TSC22D1: variants seen among roughly 807,000 people sequenced by gnomAD.
TSC22D1 encodes TSC22 domain family protein 1.
Under a neutral mutation model 74.2 loss-of-function variants are expected in TSC22D1, and 9 were observed. That is an observed-to-expected ratio of 0.12 (90% confidence interval 0.07 to 0.21). The LOEUF (loss-of-function observed/expected upper bound fraction) is 0.21. Among genes scored for constraint, TSC22D1 ranks in the 10% least tolerant of loss-of-function variants. The pLI is 1.00. For missense variants in TSC22D1, 1,427 were observed against 1,304.7 expected (o/e 1.09, Z -1.44); for synonymous variants, 586 against 492.5 (o/e 1.19, Z -2.51).
chr13:44,435,691 A>T, intron 2 of TSC22D1: 5 of 310,302 alleles, frequency 1.6e-5, no homozygotes, highest in Non-Finnish European at 3.1e-5. Context: ...GTAAAATATT[A>T]GGATTCCTAG....
chr13:44,437,640 A>C (rs1434363511), intron 1 of TSC22D1, among the ~76,000 whole-genome samples: 1 of 152,140 alleles, frequency 6.6e-6, no homozygotes, highest in Admixed American at 6.5e-5. Context: ...ATTTAGACCC[A>C]AAAAAGTCAA....
chr13:44,516,379 T>C (rs778681665), intron 1 of TSC22D1: 1 of 434,894 alleles, frequency 2.3e-6, no homozygotes, highest in Non-Finnish European at 4.5e-6. Flanking sequence ...AATAGTCTTT[T>C]TAAAATCTCT....
At chr13:44,446,715 G>A (rs1875669446) in intron 1 of TSC22D1, among the ~76,000 whole-genome samples, 1 of 148,744 alleles carries the variant, frequency 6.7e-6, no homozygotes, top group Non-Finnish European at 1.5e-5. Flanking sequence ...AAAGATGACT[G>A]CCCCTAAATA....
intron 1 of TSC22D1, among the ~76,000 whole-genome samples, chr13:44,496,288 C>T (rs1008410663): frequency 6.6e-5 from 10 of 152,136 alleles, no homozygotes; most frequent in African/African-American, 2.2e-4. Context: ...TGGCTCACGC[C>T]CATAATCCCA....
intron 1 of TSC22D1, among the ~76,000 whole-genome samples, chr13:44,454,670 A>G (rs575960319): frequency 6.6e-6 from 1 of 152,352 alleles, no homozygotes; most frequent in South Asian, 2.1e-4. Flanking sequence ...ACTACTTGTC[A>G]GTCCCTATTC....
intron 1 of TSC22D1, among the ~76,000 whole-genome samples, chr13:44,450,256 T>G (rs1876014036): frequency 6.6e-6 from 1 of 151,944 alleles, no homozygotes; most frequent in Non-Finnish European, 1.5e-5. Context: ...AGTAGTTGAG[T>G]GTGGCTATGG....
chr13:44,573,283 T>G lies in TSC22D1; in HGVS notation c.2792A>C (p.Asp931Ala). ...TGAAACTGCTGACATTCCCCCACTG[T>G]CACCACTGATAGTCTGAGGTAAGCC... is the stretch of plus-strand genomic sequence containing the variant. ...LVGLPQTISG[D>A]SGGMSAVSDG... is the part of the protein sequence containing the mutation. The change falls in exon 1 of 3, where the codon GAC (aspartate) becomes GCC (alanine). Residue 931 changes from aspartate to alanine, a missense_variant. Around this residue, in one of 3 missense-constraint regions of TSC22D1, gnomAD observed 1,343 missense variants for 1,191.5 expected, o/e 1.13. Transcript: ENST00000458659. The G allele has an allele frequency of 6.2e-7, 1 of 1,614,250 alleles. No homozygotes were observed. Among genetic ancestry groups the G allele is most frequent in the Non-Finnish European group, 8.5e-7 (1 of 1,180,038 alleles).
chr13:44,459,261 C>CTT (rs1876860346), intron 1 of TSC22D1, among the ~76,000 whole-genome samples: 1 of 152,164 alleles, frequency 6.6e-6, no homozygotes, highest in Non-Finnish European at 1.5e-5. Flanking sequence ...TGGGGAATGA[C>CTT]CTGCCTGTGG....
At chr13:44,445,234 C>A (rs1209178391) in intron 1 of TSC22D1, among the ~76,000 whole-genome samples, 1 of 148,312 alleles carries the variant, frequency 6.7e-6, no homozygotes, top group Non-Finnish European at 1.5e-5. Flanking sequence ...CACACACACA[C>A]ACACACACAC....
chr13:44,517,853 ATATATTT>A (rs1880114599), intron 1 of TSC22D1, among the ~76,000 whole-genome samples: 8 of 23,272 alleles, frequency 3.4e-4, no homozygotes, highest in African/African-American at 8.1e-4. Context: ...ATATATATAT[ATATATTT>A]TTTTTTTTTT....
intron 1 of TSC22D1, among the ~76,000 whole-genome samples, chr13:44,449,978 A>G (rs1356433746): frequency 1.3e-5 from 2 of 152,154 alleles, no homozygotes; most frequent in Non-Finnish European, 2.9e-5. Context: ...CCTTGCTTTT[A>G]GTGACTTGGG....
intron 1 of TSC22D1, among the ~76,000 whole-genome samples, chr13:44,547,918 T>C (rs1305795774): frequency 6.6e-6 from 1 of 152,188 alleles, no homozygotes; most frequent in East Asian, 1.9e-4. Flanking sequence ...GCTACCCAAG[T>C]AGCTGGAACT....
chr13:44,436,987 CCCCA>C, intron 1 of TSC22D1: 1 of 1,001,414 alleles, frequency 1.0e-6, no homozygotes, highest in Non-Finnish European at 1.2e-6. Context: ...CTCCCCCCAC[CCCCA>C]CCTCCGCCCC....
At chr13:44,570,712 AT>A (rs1392462763) in intron 1 of TSC22D1, among the ~76,000 whole-genome samples, 1 of 152,200 alleles carries the variant, frequency 6.6e-6, no homozygotes, top group East Asian at 1.9e-4. Flanking sequence ...TTGTTAACAC[AT>A]TTCCTGATTC....
chr13:44,478,224 A>G (rs761268247), intron 1 of TSC22D1, among the ~76,000 whole-genome samples: 12 of 152,172 alleles, frequency 7.9e-5, no homozygotes, highest in South Asian at 6.2e-4. Context: ...AGAAATATTA[A>G]AATTTACTCA....
At chr13:44,439,500 C>T (rs1595077660) in intron 1 of TSC22D1, among the ~76,000 whole-genome samples, 1 of 152,214 alleles carries the variant, frequency 6.6e-6, no homozygotes, top group Admixed American at 6.5e-5. Flanking sequence ...CATTCAAAGG[C>T]TCTTCTAATT....
chr13:44,536,364 T>C (rs1432540641), intron 1 of TSC22D1, among the ~76,000 whole-genome samples: 1 of 151,918 alleles, frequency 6.6e-6, no homozygotes, highest in East Asian at 1.9e-4. Context: ...TCTAAGCAAA[T>C]CCTGCATAGA....
chr13:44,447,541 G>GT (rs1420892080), intron 1 of TSC22D1, among the ~76,000 whole-genome samples: 1 of 152,140 alleles, frequency 6.6e-6, no homozygotes, highest in East Asian at 1.9e-4. Context: ...AGCGTTAAAA[G>GT]ATTTGTAAAA....
chr13:44,442,002 C>G (rs780028698), intron 1 of TSC22D1, among the ~76,000 whole-genome samples: 1 of 151,982 alleles, frequency 6.6e-6, no homozygotes, highest in Non-Finnish European at 1.5e-5. Context: ...GAAAAAAAAA[C>G]TCTGTAAAAA....
Sources: allele counts gnomAD v4.1 joint callset (sites outside exome capture counted in the v4.1 genomes callset), GRCh38; gene constraint gnomAD v4.1.1; regional missense constraint gnomAD v4.1.1; transcripts MANE v1.5; gene names NCBI Gene and HGNC (gene_info 2026-07-23, HGNC 2026-07-21).